The following CLIP2 variants were observed in gnomAD, a reference collection of about 807,000 sequenced individuals.
CLIP2 encodes the protein CAP-Gly domain-containing linker protein 2.
A neutral mutation model predicts 111.7 loss-of-function variants in CLIP2; 41 were observed. The ratio of observed to expected loss-of-function variants is 0.37; its 90% confidence interval spans 0.29 to 0.48. The LOEUF (loss-of-function observed/expected upper bound fraction) is 0.48, where lower values mean the gene tolerates loss of function less well. CLIP2 is among the 20% of genes least tolerant of loss of function. The pLI is 0.99. For synonymous variants in CLIP2, 660 were observed against 644.2 expected (o/e 1.02, Z -0.37); for missense variants, 1,160 against 1,422.1 (o/e 0.82, Z 2.96).
intron 3 of CLIP2, among the ~76,000 whole-genome samples, chr7:74,346,989 T>C (rs1789815648): frequency 1.3e-5 from 2 of 150,856 alleles, no homozygotes; most frequent in South Asian, 4.2e-4. Context: ...CAGTGAGCCA[T>C]GAATGCACCA....
intron 2 of CLIP2, among the ~76,000 whole-genome samples, chr7:74,321,239 T>C (rs1293357339): frequency 6.6e-6 from 1 of 152,160 alleles, no homozygotes; most frequent in Non-Finnish European, 1.5e-5. Context: ...ACAGGAAAAT[T>C]TGAAAGTGAT....
intron 2 of CLIP2, among the ~76,000 whole-genome samples, chr7:74,333,952 C>T: frequency 6.6e-6 from 1 of 152,244 alleles, no homozygotes; most frequent in Admixed American, 6.5e-5. Flanking sequence ...ACCGAGGAAG[C>T]TCCTGTTAAC....
chr7:74,336,891 T>TTTTTTTTTTTTTTTTTTTTG (rs1564049067), intron 2 of CLIP2, among the ~76,000 whole-genome samples: 1 of 1,018 alleles, frequency 9.8e-4, no homozygotes, highest in African/African-American at 6.7e-3. Flanking sequence ...TTTTGTTTTG[T>TTTTTTTTTTTTTTTTTTTTG]TTTTTTTTTT....
chr7:74,329,216 G>T (rs533273483), intron 2 of CLIP2, among the ~76,000 whole-genome samples: 1 of 147,816 alleles, frequency 6.8e-6, no homozygotes, highest in Non-Finnish European at 1.5e-5. Context: ...GTGAGCCACC[G>T]CACCCGGCCA....
At chr7:74,336,445 T>C (rs901938653) in intron 2 of CLIP2, among the ~76,000 whole-genome samples, 1 of 151,846 alleles carries the variant, frequency 6.6e-6, no homozygotes, top group Non-Finnish European at 1.5e-5. Context: ...CTCACAATCA[T>C]GGTAGAAGGC....
Position 74,289,706 on chromosome 7 carries a change from C to T in CLIP2, c.-96C>T, listed in dbSNP as rs1554725104. 1 of 152,160 alleles carries T rather than the reference C, an allele frequency of 6.6e-6. No individual in the cohort carries two copies. Among genetic ancestry groups the T allele is most frequent in the East Asian group, 1.9e-4 (1 of 5,184 alleles). 9.4% of individuals were successfully genotyped at this position (152,160 alleles called of 1,614,324 possible). The stretch of plus-strand genomic sequence containing the variant: ...AGGCCGGGGCTCTCCGGGCCTCCCG[C>T]CGCTTAGCCTGATGCTGGAAGGACG... On this transcript the variant is annotated 5_prime_UTR_variant, in exon 1 of 17. Transcript: ENST00000223398.
At chr7:74,379,592 G>A (rs1007399325) in intron 10 of CLIP2, among the ~76,000 whole-genome samples, 5 of 151,896 alleles carry the variant, frequency 3.3e-5, no homozygotes, top group Admixed American at 2.6e-4. Flanking sequence ...GTGAAAACCC[G>A]TCTCTACTAA....
chr7:74,333,595 C>G (rs1789362862), intron 2 of CLIP2, among the ~76,000 whole-genome samples: 1 of 152,122 alleles, frequency 6.6e-6, no homozygotes, highest in Non-Finnish European at 1.5e-5. Context: ...AATCCTCCTG[C>G]CTCAGCCTCC....
intron 1 of CLIP2, among the ~76,000 whole-genome samples, chr7:74,317,251 C>T (rs191021344): frequency 7.0e-4 from 106 of 152,268 alleles, no homozygotes; most frequent in African/African-American, 2.4e-3. Flanking sequence ...AGGCAATAGC[C>T]TCTCTGTGTG....
intron 13 of CLIP2, among the ~76,000 whole-genome samples, chr7:74,395,543 C>T (rs1554316533): frequency 6.6e-6 from 1 of 151,938 alleles, no homozygotes; most frequent in Non-Finnish European, 1.5e-5. Context: ...CTGTCCTCCT[C>T]AGCCTCCCAA....
At chr7:74,298,356 G>GTTTTTTT (rs35535113) in intron 1 of CLIP2, among the ~76,000 whole-genome samples, 3 of 109,624 alleles carry the variant, frequency 2.7e-5, no homozygotes, top group Admixed American at 1.0e-4. Flanking sequence ...CTGCTAATTG[G>GTTTTTTT]TTTTTTTTTT....
chr7:74,321,272 C>T (rs1788943988), intron 2 of CLIP2, among the ~76,000 whole-genome samples: 1 of 152,120 alleles, frequency 6.6e-6, no homozygotes, highest in South Asian at 2.1e-4. Context: ...CGTCCATTAT[C>T]CTTTAACCTT....
intron 3 of CLIP2, among the ~76,000 whole-genome samples, chr7:74,347,217 A>T (rs981117058): frequency 6.6e-6 from 1 of 152,040 alleles, no homozygotes; most frequent in African/African-American, 2.4e-5. Flanking sequence ...GAATTATTGG[A>T]TAGAGGGGTC....
chr7:74,311,105 G>A (rs531258834), intron 1 of CLIP2, among the ~76,000 whole-genome samples: 59 of 151,164 alleles, frequency 3.9e-4, no homozygotes, highest in African/African-American at 1.3e-3. Flanking sequence ...TCAGCCTCCC[G>A]AGTAGCTGGG....
At chr7:74,356,184 G>A (rs1174413086) in intron 4 of CLIP2, among the ~76,000 whole-genome samples, 6 of 152,152 alleles carry the variant, frequency 3.9e-5, no homozygotes, top group Non-Finnish European at 8.8e-5. Context: ...ATTCTCATTG[G>A]CTGTTCACAG....
chr7:74,319,439 C>T (rs763175569), intron 2 of CLIP2, among the ~76,000 whole-genome samples: 4 of 151,964 alleles, frequency 2.6e-5, no homozygotes, highest in South Asian at 2.1e-4. Flanking sequence ...ACTTAGGAGG[C>T]GGAGGCTACA....
At chr7:74,374,440 G>A (rs782048318) in intron 9 of CLIP2, among the ~76,000 whole-genome samples, 4 of 152,214 alleles carry the variant, frequency 2.6e-5, no homozygotes, top group African/African-American at 7.2e-5. Context: ...GCTGGGTGTG[G>A]TGGCTCACAC....
chr7:74,347,086 C>T (rs903149568), intron 3 of CLIP2, among the ~76,000 whole-genome samples: 2 of 151,886 alleles, frequency 1.3e-5, no homozygotes, highest in African/African-American at 2.4e-5. Flanking sequence ...TCCCTTGCCC[C>T]GTCCCCGTTC....
chr7:74,376,412 C>T lies in CLIP2; in HGVS notation c.2011C>T (p.His671Tyr). Reference protein sequence around the residue: ...QLELGNLQAKHDLETAMHVKE... With the variant: ...QLELGNLQAKYDLETAMHVKE... Reference sequence around the variant, plus strand: ...GGAGCTGGGTAACTTGCAGGCCAAGCATGACCTGGAGACCGCCATGCACGT... The same window carrying T: ...GGAGCTGGGTAACTTGCAGGCCAAGTATGACCTGGAGACCGCCATGCACGT... The change falls in exon 10 of 17, where the codon CAT becomes TAT. Residue 671 changes from histidine to tyrosine, a missense_variant. Physicochemically the swap from His to Tyr is moderately conservative, Grantham distance 83. This residue lies in a region of CLIP2 where 676 missense variants were observed against 777.8 expected (regional missense o/e 0.87). Transcript: ENST00000223398. The surrounding 1 kb of genome is among the most constrained non-coding windows in gnomAD (Gnocchi z 7.1). 1.9e-6 allele frequency: 3 copies of T among 1,614,062 alleles called. No homozygotes were observed. The highest frequency in any genetic ancestry group is 2.5e-6 in the Non-Finnish European group (3 of 1,180,036).
Sources: gnomAD v4.1 joint callset for allele counts (sites outside exome capture counted in the v4.1 genomes callset) on GRCh38, gnomAD v4.1.1 for gene constraint, gnomAD v4.1.1 regional missense constraint, Gnocchi (gnomAD v3.1) non-coding constraint, MANE v1.5 for transcripts, NCBI Gene and HGNC (gene_info 2026-07-23, HGNC 2026-07-21) for gene names.